The following CCSER1 variants were observed in gnomAD, a reference collection of about 807,000 sequenced individuals.
CCSER1 encodes serine-rich coiled-coil domain-containing protein 1.
A neutral mutation model predicts 82.0 loss-of-function variants in CCSER1; 41 were observed. The observed-to-expected ratio is 0.50, with a 90% CI of 0.39 to 0.65. CCSER1 has a LOEUF of 0.65. Among genes scored for constraint, CCSER1 ranks in the 30% least tolerant of loss-of-function variants. The pLI, the probability that CCSER1 is intolerant of heterozygous loss-of-function variation, is 0.00. For synonymous variants in CCSER1, 414 were observed against 383.9 expected, an observed-to-expected ratio of 1.08 and a Z score of -0.92; for missense variants, 1,119 against 1,064.2, an observed-to-expected ratio of 1.05 and a Z score of -0.72.
intron 10 of CCSER1, among the ~76,000 whole-genome samples, chr4:91,271,325 G>C (rs1391499245): frequency 6.6e-6 from 1 of 151,966 alleles, no homozygotes; most frequent in African/African-American, 2.4e-5. Context: ...ACAATAATAA[G>C]TTCTTTAGTG....
intron 3 of CCSER1, among the ~76,000 whole-genome samples, chr4:90,378,346 C>G (rs1422525947): frequency 6.6e-6 from 1 of 152,124 alleles, no homozygotes; most frequent in Non-Finnish European, 1.5e-5. Flanking sequence ...GCTAGAAAAG[C>G]AGAACCGATT....
At chr4:90,995,494 G>T (rs1737411861) in intron 9 of CCSER1, among the ~76,000 whole-genome samples, 1 of 151,868 alleles carries the variant, frequency 6.6e-6, no homozygotes. Flanking sequence ...ATTATGTTTG[G>T]ATATTTTTTT....
At chr4:90,686,023 T>G (rs952705741) in intron 6 of CCSER1, among the ~76,000 whole-genome samples, 1 of 152,142 alleles carries the variant, frequency 6.6e-6, no homozygotes, top group Non-Finnish European at 1.5e-5. Flanking sequence ...ATTATTTAAT[T>G]GGTTTAATTA....
At chr4:91,492,584 A>G (rs185959961) in intron 10 of CCSER1, among the ~76,000 whole-genome samples, 5 of 152,196 alleles carry the variant, frequency 3.3e-5, no homozygotes, top group African/African-American at 9.6e-5. Context: ...ATGTAGCTCC[A>G]TGCTTTCAGT....
intron 10 of CCSER1, among the ~76,000 whole-genome samples, chr4:91,210,043 C>T (rs932111781): frequency 1.5e-4 from 22 of 151,600 alleles, no homozygotes; most frequent in South Asian, 6.2e-4. Context: ...AGGGAAAGTA[C>T]GAGATGAATC....
At chr4:90,436,289 G>T (rs1383100928) in intron 4 of CCSER1, among the ~76,000 whole-genome samples, 2 of 151,998 alleles carry the variant, frequency 1.3e-5, no homozygotes, top group Non-Finnish European at 2.9e-5. Flanking sequence ...AACTTAATTT[G>T]GGTTGTCTTT....
chr4:90,987,300 A>G (rs1392551348), intron 9 of CCSER1, among the ~76,000 whole-genome samples: 1 of 151,208 alleles, frequency 6.6e-6, no homozygotes, highest in Non-Finnish European at 1.5e-5. Context: ...TAGCCCTTCC[A>G]TGGCATTTTG....
chr4:91,540,227 G>T (rs1181603297), intron 10 of CCSER1, among the ~76,000 whole-genome samples: 1 of 152,018 alleles, frequency 6.6e-6, no homozygotes, highest in East Asian at 1.9e-4. Context: ...CTACATTGAT[G>T]CATCCTTATC....
At chr4:91,522,383 A>T (rs1402298729) in intron 10 of CCSER1, among the ~76,000 whole-genome samples, 1 of 152,092 alleles carries the variant, frequency 6.6e-6, no homozygotes, top group Non-Finnish European at 1.5e-5. Context: ...TTCCATATGA[A>T]TGTTAGTTTT....
At chr4:90,655,135 T>A (rs1344914825) in intron 6 of CCSER1, among the ~76,000 whole-genome samples, 1 of 152,004 alleles carries the variant, frequency 6.6e-6, no homozygotes, top group Non-Finnish European at 1.5e-5. Context: ...TTTTTGACAG[T>A]GTAATTATAG....
At chr4:91,361,946 C>A (rs554622305) in intron 10 of CCSER1, among the ~76,000 whole-genome samples, 2 of 151,516 alleles carry the variant, frequency 1.3e-5, no homozygotes, top group Non-Finnish European at 3.0e-5. Context: ...GGGTATTTGG[C>A]GCTATTTTAC....
chr4:90,251,391 G>A (rs1342844933), intron 1 of CCSER1, among the ~76,000 whole-genome samples: 2 of 151,912 alleles, frequency 1.3e-5, no homozygotes, highest in East Asian at 3.9e-4. Flanking sequence ...TTATCAGGTT[G>A]AGGAGATGTT....
At chr4:91,580,440 A>G (rs1763675788) in intron 10 of CCSER1, among the ~76,000 whole-genome samples, 1 of 151,512 alleles carries the variant, frequency 6.6e-6, no homozygotes, top group Admixed American at 6.6e-5. Context: ...ACACTTTTAT[A>G]TATGTGGAAA....
intron 10 of CCSER1, among the ~76,000 whole-genome samples, chr4:91,361,692 C>T (rs1749256294): frequency 6.6e-6 from 1 of 151,696 alleles, no homozygotes. Context: ...TCTATGAAGA[C>T]ACTAATTAAT....
chr4:90,546,415 A>G (rs1191062517), intron 5 of CCSER1, among the ~76,000 whole-genome samples: 1 of 152,130 alleles, frequency 6.6e-6, no homozygotes, highest in Admixed American at 6.6e-5. Flanking sequence ...TGCAGTTGAT[A>G]TTTCATAGGT....
chr4:90,356,855 A>G (rs1452545965), intron 3 of CCSER1, among the ~76,000 whole-genome samples: 1 of 151,892 alleles, frequency 6.6e-6, no homozygotes, highest in Admixed American at 6.6e-5. Flanking sequence ...TATTTACACC[A>G]TAACTTACTA....
At chr4:90,355,190 A>T (rs1437066759) in intron 3 of CCSER1, among the ~76,000 whole-genome samples, 1 of 152,042 alleles carries the variant, frequency 6.6e-6, no homozygotes, top group Non-Finnish European at 1.5e-5. Context: ...AACAATACAC[A>T]TGCTATAAAT....
intron 1 of CCSER1, among the ~76,000 whole-genome samples, chr4:90,254,241 A>G (rs988917016): frequency 6.6e-5 from 10 of 152,146 alleles, no homozygotes; most frequent in Admixed American, 6.6e-5. Context: ...AGACCTATAG[A>G]GCATTAGTTC....
rs553481243 is a variant in CCSER1 at position 90,869,054 on chromosome 4, T to G, written c.2094+53209T>G. Among the ~76,000 whole-genome samples the G allele has an allele frequency of 2.6e-5, 4 of 152,208 alleles. No individual in the cohort carries two copies. In the South Asian group the frequency reaches 8.3e-4, roughly 32 times the overall value. On this transcript the variant is annotated intron_variant, in intron 8 of 10. Coordinates refer to ENST00000509176, the MANE Select transcript of CCSER1 (RefSeq NM_001145065.2). ...CTTTGCCCATGTTTAATTGGATTAT[T>G]AAGTTTTTTCCTATAGAGTAGTTTA...
Sources: allele counts gnomAD v4.1 joint callset (sites outside exome capture counted in the v4.1 genomes callset), GRCh38; gene constraint gnomAD v4.1.1; transcripts MANE v1.5; gene names NCBI Gene and HGNC (gene_info 2026-07-23, HGNC 2026-07-21).